Variants in EXOSC10 observed in about 807,000 individuals in gnomAD.
The protein encoded by EXOSC10 is exosome complex component 10.
A neutral mutation model predicts 126.6 loss-of-function variants in EXOSC10; 94 were observed. That is an observed-to-expected ratio of 0.74 (90% CI 0.63 to 0.88). The LOEUF is 0.88. EXOSC10 is among the 40% of genes least tolerant of loss of function. The probability of loss-of-function intolerance (pLI) is 0.00; values close to 1 mark genes in which losing one functional copy is unlikely to be tolerated. For synonymous variants in EXOSC10, 395 were observed against 400.8 expected (o/e 0.99, Z 0.17); for missense variants, 1,041 against 1,100.5 (o/e 0.95, Z 0.77).
In EXOSC10 at chr1:11,077,404, G is replaced by A; in HGVS notation, c.1840C>T (p.His614Tyr). ...NVLFGPHDCS[H>Y]APPDGYPIIP... The stretch of plus-strand genomic sequence containing the variant: ...ATTGGATAGCCATCCGGAGGGGCAT[G>A]GGAGCAGTCGTGAGGTCCAAAGAGA... The change falls in exon 16 of 25, where the codon CAT (histidine) becomes TAT (tyrosine). Residue 614 changes from histidine (H) to tyrosine (Y), a missense_variant. His to Tyr is a moderately conservative substitution (Grantham distance 83, BLOSUM62 2). Around this residue, in one of 3 missense-constraint regions of EXOSC10, gnomAD observed 388 missense variants for 415.2 expected, o/e 0.93. Transcript: ENST00000376936. 6.2e-7 allele frequency: 1 copy of A among 1,613,868 alleles called. No individual in the cohort carries two copies. Among genetic ancestry groups the A allele is most frequent in the Non-Finnish European group, 8.5e-7 (1 of 1,179,774 alleles).
At chr1:11,077,718 C>T in intron 14 of EXOSC10, 67 bp from the exon 15 acceptor site, 1 of 1,420,496 alleles carries the variant, frequency 7.0e-7, no homozygotes, top group Non-Finnish European at 9.7e-7. Context: ...CCCCAGTCTC[C>T]AGCGCTGACT....
At chr1:11,091,632 C>T (rs772161918) in intron 3 of EXOSC10, 35 bp from the exon 4 acceptor site, 1 of 1,532,478 alleles carries the variant, frequency 6.5e-7, no homozygotes, top group East Asian at 2.3e-5. Flanking sequence ...AAGCATTTTT[C>T]CTTTTGAGGT....
intron 1 of EXOSC10, 71 bp from the exon 2 acceptor site, chr1:11,098,227 T>C: frequency 6.6e-7 from 1 of 1,523,164 alleles, no homozygotes; most frequent in South Asian, 1.3e-5. Context: ...ATTTTTTTGA[T>C]CTATCGTATA....
Position 11,077,628 on chromosome 1 carries a change from C to T in EXOSC10, c.1773G>A (p.Lys591=), listed in dbSNP as rs1353950252. 6.2e-7 allele frequency: 1 copy of T among 1,611,566 alleles called. No homozygotes were observed. The highest frequency in any genetic ancestry group is 1.7e-5 in the Admixed American group (1 of 59,990). The stretch of plus-strand genomic sequence containing the variant: ...CAGCACTGGGCAGCGGTCCGCTCTT[C>T]TTCACTCCGGCTGCAACTTCAGACT... ...LLKSEVAAGV[K]KSGPLPSAER... is the part of the protein sequence containing the mutation. The change falls in exon 15 of 25, where the codon AAG becomes AAA. Residue 591 remains lysine, a synonymous_variant. Transcript: ENST00000376936.
Sources: gnomAD v4.1 joint callset for allele counts on GRCh38, gnomAD v4.1.1 for gene constraint, gnomAD v4.1.1 regional missense constraint, MANE v1.5 for transcripts, NCBI Gene and HGNC (gene_info 2026-07-23, HGNC 2026-07-21) for gene names.